Variants in NDRG3 observed in about 807,000 individuals in gnomAD.
The protein encoded by NDRG3 is protein NDRG3.
Under a neutral mutation model 57.2 loss-of-function variants are expected in NDRG3, and 23 were observed. The observed-to-expected ratio is 0.40, with a 90% CI of 0.29 to 0.57. The LOEUF (loss-of-function observed/expected upper bound fraction) is 0.57, where lower values mean the gene tolerates loss of function less well. Ranked by LOEUF, NDRG3 falls within the 20% of genes least tolerant of loss-of-function variation. The pLI, the probability that NDRG3 is intolerant of heterozygous loss-of-function variation, is 0.42. For synonymous variants in NDRG3, 132 were observed against 162.6 expected (o/e 0.81, Z 1.43); for missense variants, 384 against 457.3 (o/e 0.84, Z 1.46).
chr20:36,682,661 T>C (rs1188874421), intron 6 of NDRG3, 83 bp from the exon 7 acceptor site: 1 of 1,189,406 alleles, frequency 8.4e-7, no homozygotes, highest in East Asian at 2.4e-5. Context: ...ACAACCTGGG[T>C]TGAAATCCTG....
chr20:36,671,289 AT>A, intron 9 of NDRG3, 51 bp downstream of exon 9: 1 of 1,440,548 alleles, frequency 6.9e-7, no homozygotes, highest in Non-Finnish European at 9.7e-7. Context: ...TAAAATAAGA[AT>A]TTGCATGCAA....
At chr20:36,711,778 T>C (rs1983896054) in intron 2 of NDRG3, among the ~76,000 whole-genome samples, 8 of 152,224 alleles carry the variant, frequency 5.3e-5, no homozygotes, top group Admixed American at 5.2e-4. Flanking sequence ...TTAGCACTTG[T>C]TTTCCTGGCT....
At chr20:36,700,975 T>C (rs924210585) in intron 3 of NDRG3, among the ~76,000 whole-genome samples, 3 of 152,046 alleles carry the variant, frequency 2.0e-5, no homozygotes, top group Non-Finnish European at 4.4e-5. Context: ...GGTCTCCCTA[T>C]ATTGCCCAAG....
rs535232988 is a variant in NDRG3 at position 36,666,920 on chromosome 20, A to G, written c.589-528T>C. Among the ~76,000 whole-genome samples the G allele has an allele frequency of 9.9e-5, 15 of 151,886 alleles. 1 individual carries two copies. In the East Asian group the frequency reaches 2.9e-3, roughly 29 times the overall value. ...GCAGTCTCAGCTCACTGCAACCTCC[A>G]CCTCCCGGGTTCAAGCAATTCTCCT... On this transcript the variant is annotated intron_variant, in intron 9 of 15. Coordinates refer to ENST00000349004, the MANE Select transcript of NDRG3 (RefSeq NM_032013.4).
In NDRG3 at chr20:36,660,653, C is replaced by T. The variant is rs1057075609; in HGVS notation, c.811-269G>A. On this transcript the variant is annotated intron_variant, in intron 12 of 15. Coordinates refer to ENST00000349004, the MANE Select transcript of NDRG3 (RefSeq NM_032013.4). ...TCGGCTCACTGCAAGCTCCGCCTCCCGGGTTCACGCCATTCTCCTGCCTCA... is the reference window on the plus strand; with the variant it reads ...TCGGCTCACTGCAAGCTCCGCCTCCTGGGTTCACGCCATTCTCCTGCCTCA... 2.2e-4 allele frequency among the ~76,000 whole-genome samples: 34 copies of T among 151,718 alleles called. No homozygotes were observed. The East Asian group carries it at 6.2e-3, about 28-fold the overall frequency.
At chr20:36,671,312 C>T in intron 9 of NDRG3, 29 bp downstream of exon 9, 2 of 1,584,404 alleles carry the variant, frequency 1.3e-6, no homozygotes, top group Non-Finnish European at 1.7e-6. Context: ...CCAATAAACA[C>T]AGCTCTTCTG....
intron 12 of NDRG3, among the ~76,000 whole-genome samples, 184 bp from the exon 13 acceptor site, chr20:36,660,568 A>ATTTT (rs937213463): frequency 6.5e-4 from 94 of 145,276 alleles, no homozygotes; most frequent in Middle Eastern, 3.5e-3. Context: ...TTATTTATTT[A>ATTTT]TTTTTTTTTT....
intron 1 of NDRG3, among the ~76,000 whole-genome samples, chr20:36,731,870 TAATCCCA>T (rs1985305505): frequency 2.0e-5 from 3 of 150,970 alleles, no homozygotes; most frequent in African/African-American, 7.3e-5. Context: ...ATCAAATCCA[TAATCCCA>T]GCACTTTGGG....
chr20:36,677,311 T>C (rs1980834799), intron 8 of NDRG3, among the ~76,000 whole-genome samples: 1 of 152,158 alleles, frequency 6.6e-6, no homozygotes, highest in African/African-American at 2.4e-5. Flanking sequence ...GGGGCAGGGT[T>C]CCCAGTAAGG....
chr20:36,712,878 G>A (rs1329184622), intron 2 of NDRG3, among the ~76,000 whole-genome samples: 1 of 151,764 alleles, frequency 6.6e-6, no homozygotes, highest in Admixed American at 6.6e-5. Context: ...TTACAGGCGT[G>A]AGCCACTGCA....
At chr20:36,742,664 A>C (rs1287225522) in intron 1 of NDRG3, among the ~76,000 whole-genome samples, 4 of 152,192 alleles carry the variant, frequency 2.6e-5, no homozygotes, top group African/African-American at 7.2e-5. Context: ...ATTCCATTAT[A>C]GTCTAATATT....
At position 36,653,574 on chromosome 20, in the gene NDRG3, G is replaced by A. The variant is rs764279421; in HGVS notation, c.1074C>T (p.Ser358=). 3.7e-6 allele frequency: 6 copies of A among 1,614,194 alleles called. No homozygotes were observed. The South Asian group carries it at 6.6e-5, about 18-fold the overall frequency. Residue 358 remains serine, a synonymous_variant, in exon 16 of 16, where the codon TCC becomes TCT. Transcript: ENST00000349004. This position sits in a 1 kb window ranked among gnomAD's most constrained non-coding sequence, Gnocchi z 4.2. ...TSNQSDGTQE[S]CESPDVLDRH... is the part of the protein sequence containing the mutation. Reference sequence around the variant, plus strand: ...TGTCCAGGACATCAGGGGACTCACAGGATTCTTGAGTTCCATCTGACTGAT... The same window carrying A: ...TGTCCAGGACATCAGGGGACTCACAAGATTCTTGAGTTCCATCTGACTGAT...
intron 8 of NDRG3, among the ~76,000 whole-genome samples, chr20:36,679,238 C>T (rs1409116137): frequency 6.6e-6 from 1 of 152,182 alleles, no homozygotes; most frequent in Non-Finnish European, 1.5e-5. Flanking sequence ...GCATTACAGG[C>T]GTGAGCTACC....
chr20:36,705,236 G>A (rs200235787), intron 3 of NDRG3, among the ~76,000 whole-genome samples: 8 of 150,838 alleles, frequency 5.3e-5, no homozygotes, highest in African/African-American at 2.0e-4. Flanking sequence ...CAGGAGAATC[G>A]CTTGAATCCA....
chr20:36,722,308 GAGA>G (rs1392442948), intron 1 of NDRG3, among the ~76,000 whole-genome samples: 1 of 152,288 alleles, frequency 6.6e-6, no homozygotes, highest in East Asian at 1.9e-4. Flanking sequence ...CTGAGTGTCA[GAGA>G]AGAAGCTGAC....
intron 2 of NDRG3, among the ~76,000 whole-genome samples, chr20:36,711,933 C>A (rs1219876034): frequency 1.3e-5 from 2 of 152,204 alleles, no homozygotes; most frequent in African/African-American, 4.8e-5. Flanking sequence ...GCACCCGCCA[C>A]TGCGCCCGGC....
chr20:36,702,388 G>A (rs948407824), intron 3 of NDRG3, among the ~76,000 whole-genome samples: 19 of 152,018 alleles, frequency 1.2e-4, no homozygotes, highest in African/African-American at 2.2e-4. Flanking sequence ...CGCCCACCTC[G>A]GCCTCCCAAA....
In NDRG3 at chr20:36,656,527, C is replaced by G. The variant is rs371140287; in HGVS notation, c.864G>C (p.Ala288=). The change falls in exon 14 of 16, where the codon GCG becomes GCC. Residue 288 remains alanine, a synonymous_variant. Transcript: ENST00000349004. ...CTACCTGGGGCAGTCCCCCACAGTC[C>G]GCCATCTAGAAAAGGAAAAATATGC... is the stretch of plus-strand genomic sequence containing the variant. ...NPINTTLLKM[A]DCGGLPQVVQ... 1 of 1,613,962 alleles carries G rather than the reference C, an allele frequency of 6.2e-7. No individual in the cohort carries two copies. Among genetic ancestry groups the G allele is most frequent in the Admixed American group, 1.7e-5 (1 of 59,988 alleles).
rs13038404 is a variant in NDRG3 at position 36,660,052 on chromosome 20, C to T, written c.858+285G>A. On this transcript the variant is annotated intron_variant, in intron 13 of 15. Coordinates refer to ENST00000349004, the MANE Select transcript of NDRG3 (RefSeq NM_032013.4). ...TGAAACCCCGTCTCTACTAAAAATA[C>T]GAAAAATTAGCCGGGCATGGTGGCA... Among the ~76,000 whole-genome samples, 324 of 151,872 alleles carry T rather than the reference C, an allele frequency of 2.1e-3. 10 individuals are homozygous for T. In the South Asian group the frequency reaches 0.042, roughly 20 times the overall value.
Sources: gnomAD v4.1 joint callset for allele counts (sites outside exome capture counted in the v4.1 genomes callset) on GRCh38, gnomAD v4.1.1 for gene constraint, Gnocchi (gnomAD v3.1) non-coding constraint, MANE v1.5 for transcripts, NCBI Gene and HGNC (gene_info 2026-07-23, HGNC 2026-07-21) for gene names.